The following OSBP2 variants were observed in gnomAD, a reference collection of about 807,000 sequenced individuals.
OSBP2 encodes oxysterol-binding protein 2.
In OSBP2, 66 loss-of-function variants were observed where a neutral mutation model predicts 96.0. The observed-to-expected ratio is 0.69, with a 90% CI of 0.56 to 0.84. The LOEUF (loss-of-function observed/expected upper bound fraction) is 0.84, where lower values mean the gene tolerates loss of function less well. Among genes scored for constraint, OSBP2 ranks in the 40% least tolerant of loss-of-function variants. The pLI is 0.00. For synonymous variants in OSBP2, 525 were observed against 520.9 expected (o/e 1.01, Z -0.11); for missense variants, 1,038 against 1,222.7 (o/e 0.85, Z 2.25).
intron 2 of OSBP2, among the ~76,000 whole-genome samples, chr22:30,800,900 G>A (rs2090841333): frequency 6.6e-6 from 1 of 152,054 alleles, no homozygotes; most frequent in South Asian, 2.1e-4. Flanking sequence ...TGTTTTAATG[G>A]TGTGTGTGTG....
At chr22:30,705,257 A>G (rs922046178) in intron 1 of OSBP2, among the ~76,000 whole-genome samples, 1 of 151,384 alleles carries the variant, frequency 6.6e-6, no homozygotes, top group Non-Finnish European at 1.5e-5. Flanking sequence ...CACTTGCCAC[A>G]TGGACCCCTT....
intron 2 of OSBP2, among the ~76,000 whole-genome samples, chr22:30,784,042 T>G (rs2090554868): frequency 6.6e-6 from 1 of 152,218 alleles, no homozygotes; most frequent in Non-Finnish European, 1.5e-5. Flanking sequence ...TGACGTAGGT[T>G]TCTATGGTCC....
In OSBP2 at chr22:30,893,482, C is replaced by T; in HGVS notation, c.2010C>T (p.Phe670=). 1 of 1,614,040 alleles carries T rather than the reference C, an allele frequency of 6.2e-7. No individual in the cohort carries two copies. Among genetic ancestry groups the T allele is most frequent in the Non-Finnish European group, 8.5e-7 (1 of 1,179,870 alleles). Residue 670 remains phenylalanine (F), a synonymous_variant, in exon 10 of 14, where the codon TTC becomes TTT. Transcript: ENST00000332585. ...IMPLGAIHLE[F]QASGNHYVWR... Reference sequence around the variant, plus strand: ...CTCCAGGTGCCATCCACTTAGAATTCCAGGCCAGTGGGAATCACTACGTGT... The same window carrying T: ...CTCCAGGTGCCATCCACTTAGAATTTCAGGCCAGTGGGAATCACTACGTGT...
intron 2 of OSBP2, among the ~76,000 whole-genome samples, chr22:30,861,554 T>G (rs1045760120): frequency 1.3e-5 from 2 of 152,280 alleles, no homozygotes; most frequent in Admixed American, 6.5e-5. Context: ...GATTTATTAT[T>G]TATTATTATC....
intron 2 of OSBP2, among the ~76,000 whole-genome samples, chr22:30,805,116 G>C (rs866797360): frequency 1.4e-4 from 22 of 152,144 alleles, no homozygotes; most frequent in African/African-American, 4.6e-4. Context: ...ACTATCTGAG[G>C]GTTGACCCTG....
Position 30,837,085 on chromosome 22 carries a change from TACA to T in OSBP2, c.854-33332_854-33330del, listed in dbSNP as rs532042404. On this transcript the variant is annotated intron_variant, in intron 2 of 13. Transcript: ENST00000332585. ...GGCCAACATGGCGAAACCCCATCTC[TACA>T]ACAACAACAACTAAAATACAAAAAT... 2.6e-3 allele frequency among the ~76,000 whole-genome samples: 395 copies of T among 152,040 alleles called. 7 individuals carry two copies. The highest frequency in any genetic ancestry group is 0.021 in the Admixed American group (315 of 15,284).
chr22:30,700,036 C>A (rs2089131625), intron 1 of OSBP2, among the ~76,000 whole-genome samples: 1 of 150,574 alleles, frequency 6.6e-6, no homozygotes, highest in African/African-American at 2.4e-5. Flanking sequence ...GATCTCGGCT[C>A]ACTGTGACCT....
At chr22:30,750,481 G>T (rs577899293) in intron 2 of OSBP2, among the ~76,000 whole-genome samples, 1 of 152,218 alleles carries the variant, frequency 6.6e-6, no homozygotes, top group African/African-American at 2.4e-5. Context: ...CATCTAACTG[G>T]GACTTCCTCC....
In OSBP2 at chr22:30,723,785, C is replaced by T. The variant is rs185810710; in HGVS notation, c.645-17376C>T. Among the ~76,000 whole-genome samples the T allele has an allele frequency of 7.9e-5, 12 of 152,258 alleles. No homozygotes were observed. In the East Asian group the frequency reaches 2.1e-3, roughly 27 times the overall value. On this transcript the variant is annotated intron_variant, in intron 1 of 13. Coordinates refer to ENST00000332585, the MANE Select transcript of OSBP2 (RefSeq NM_030758.4). The stretch of plus-strand genomic sequence containing the variant: ...TCACAACAGAATTGAGCAGAAGGTA[C>T]AGGATTTCCCATCTACTCTCTCCCG...
At chr22:30,778,329 A>C (rs1418247229) in intron 2 of OSBP2, among the ~76,000 whole-genome samples, 1 of 151,350 alleles carries the variant, frequency 6.6e-6, no homozygotes, top group Non-Finnish European at 1.5e-5. Flanking sequence ...ACACACACAC[A>C]CACACCCACT....
At chr22:30,772,209 T>G (rs2090355929) in intron 2 of OSBP2, among the ~76,000 whole-genome samples, 1 of 152,266 alleles carries the variant, frequency 6.6e-6, no homozygotes, top group Admixed American at 6.5e-5. Context: ...GTGGGTGAGC[T>G]CTGGTTTTAG....
chr22:30,869,277 A>G (rs544868525), intron 2 of OSBP2, among the ~76,000 whole-genome samples: 1 of 152,328 alleles, frequency 6.6e-6, no homozygotes, highest in Non-Finnish European at 1.5e-5. Flanking sequence ...CGGAAGGAAG[A>G]GGGTGGCCAG....
chr22:30,885,414 CAG>C (rs971243824), intron 3 of OSBP2, among the ~76,000 whole-genome samples: 4 of 152,364 alleles, frequency 2.6e-5, no homozygotes, highest in African/African-American at 9.6e-5. Context: ...ACTGTAATGA[CAG>C]GGCAGAATGA....
chr22:30,880,043 C>G (rs1273443557), intron 3 of OSBP2, among the ~76,000 whole-genome samples: 1 of 151,504 alleles, frequency 6.6e-6, no homozygotes, highest in Non-Finnish European at 1.5e-5. Context: ...GAGCAAGACT[C>G]TGTCTCAAAA....
intron 2 of OSBP2, among the ~76,000 whole-genome samples, chr22:30,833,230 C>T (rs116988048): frequency 5.1e-4 from 78 of 152,250 alleles, no homozygotes; most frequent in South Asian, 2.3e-3. Context: ...TGGAGCCAGC[C>T]GTCCGCTGTT....
intron 2 of OSBP2, among the ~76,000 whole-genome samples, chr22:30,780,407 C>T (rs1366782253): frequency 3.3e-5 from 5 of 152,222 alleles, no homozygotes; most frequent in African/African-American, 9.6e-5. Context: ...ACGCATGACA[C>T]GGAGTAAATG....
intron 12 of OSBP2, chr22:30,902,422 C>T: frequency 6.3e-7 from 1 of 1,578,690 alleles, no homozygotes. Context: ...GTTGGGCAAT[C>T]AGTCACTTCA....
At chr22:30,897,002 A>G (rs1353933615) in intron 12 of OSBP2, among the ~76,000 whole-genome samples, 2 of 152,186 alleles carry the variant, frequency 1.3e-5, no homozygotes, top group African/African-American at 2.4e-5. Context: ...TTCCCAAAAT[A>G]TAAAGGTATA....
At chr22:30,822,807 T>A in intron 2 of OSBP2, 1 of 1,044,436 alleles carries the variant, frequency 9.6e-7, no homozygotes. Flanking sequence ...CACGGGAGCC[T>A]CTGATGTCAC....
Sources: gnomAD v4.1 joint callset for allele counts (sites outside exome capture counted in the v4.1 genomes callset) on GRCh38, gnomAD v4.1.1 for gene constraint, MANE v1.5 for transcripts, NCBI Gene and HGNC (gene_info 2026-07-23, HGNC 2026-07-21) for gene names.